MANBA: variants seen among roughly 807,000 people sequenced by gnomAD.
The protein encoded by MANBA is mannosidase beta.
In MANBA, 83 loss-of-function variants were observed where a neutral mutation model predicts 111.1. The ratio of observed to expected loss-of-function variants is 0.75; its 90% CI spans 0.63 to 0.90. MANBA has a LOEUF of 0.90. MANBA is among the 40% of genes least tolerant of loss of function. The pLI is 0.00. For synonymous variants in MANBA, 370 were observed against 378.7 expected, an observed-to-expected ratio of 0.98 and a Z score of 0.27; for missense variants, 1,036 against 1,069.0, an observed-to-expected ratio of 0.97 and a Z score of 0.43.
intron 5 of MANBA, among the ~76,000 whole-genome samples, chr4:102,712,755 T>C (rs1359966186): frequency 6.6e-6 from 1 of 152,120 alleles, no homozygotes; most frequent in African/African-American, 2.4e-5. Context: ...TCTCTAACTC[T>C]TAGGCTCAGG....
chr4:102,738,938 T>A (rs1173851494), intron 1 of MANBA, among the ~76,000 whole-genome samples: 1 of 152,032 alleles, frequency 6.6e-6, no homozygotes, highest in Non-Finnish European at 1.5e-5. Flanking sequence ...ATGAAAGACA[T>A]ACTTAGAGAA....
At chr4:102,746,851 A>T (rs1413069176) in intron 1 of MANBA, among the ~76,000 whole-genome samples, 1 of 152,034 alleles carries the variant, frequency 6.6e-6, no homozygotes, top group Non-Finnish European at 1.5e-5. Flanking sequence ...GGTCGCCTGT[A>T]GTCCCAGATA....
intron 2 of MANBA, among the ~76,000 whole-genome samples, chr4:102,725,810 C>T (rs965270079): frequency 6.6e-6 from 1 of 152,048 alleles, no homozygotes; most frequent in Admixed American, 6.6e-5. Context: ...CCACCCAGAA[C>T]AGACTGAACA....
intron 1 of MANBA, among the ~76,000 whole-genome samples, chr4:102,740,007 C>T (rs973529874): frequency 6.6e-6 from 1 of 152,188 alleles, no homozygotes; most frequent in African/African-American, 2.4e-5. Flanking sequence ...AAAACCGTTG[C>T]TGTTCACTGA....
chr4:102,686,312 G>A (rs577115329), intron 7 of MANBA, among the ~76,000 whole-genome samples: 2 of 152,246 alleles, frequency 1.3e-5, no homozygotes, highest in East Asian at 1.9e-4. Flanking sequence ...TGAATCCACT[G>A]TAGCTTTCCC....
chr4:102,646,256 T>C (rs1348074354), intron 13 of MANBA, among the ~76,000 whole-genome samples: 1 of 152,090 alleles, frequency 6.6e-6, no homozygotes, highest in East Asian at 1.9e-4. Context: ...ATGTTAATGG[T>C]CACTCTTTCA....
intron 13 of MANBA, among the ~76,000 whole-genome samples, chr4:102,643,795 C>T (rs1435260566): frequency 6.6e-6 from 1 of 152,078 alleles, no homozygotes; most frequent in African/African-American, 2.4e-5. Flanking sequence ...TGCTGGATCC[C>T]TATCAGACAT....
chr4:102,662,637 A>G (rs1731019949), intron 11 of MANBA: 2 of 160,404 alleles, frequency 1.2e-5, no homozygotes, highest in African/African-American at 4.8e-5. Flanking sequence ...GAAAGAGGAA[A>G]GGCACCTGAT....
chr4:102,716,872 G>A (rs183234024), intron 4 of MANBA, among the ~76,000 whole-genome samples: 1 of 152,222 alleles, frequency 6.6e-6, no homozygotes, highest in East Asian at 1.9e-4. Flanking sequence ...CCTTAGCTCT[G>A]TACTCACCTA....
At chr4:102,708,607 A>C (rs1399492885) in intron 5 of MANBA, among the ~76,000 whole-genome samples, 1 of 152,096 alleles carries the variant, frequency 6.6e-6, no homozygotes, top group Non-Finnish European at 1.5e-5. Context: ...GAAAAACAAG[A>C]ACAAACTCAA....
intron 1 of MANBA, among the ~76,000 whole-genome samples, chr4:102,741,772 A>G (rs1422527272): frequency 6.6e-6 from 1 of 152,198 alleles, no homozygotes; most frequent in Non-Finnish European, 1.5e-5. Flanking sequence ...GGAGACTTGC[A>G]GGGAAGGATG....
At chr4:102,713,849 T>C (rs1050731568) in intron 5 of MANBA, among the ~76,000 whole-genome samples, 2 of 150,206 alleles carry the variant, frequency 1.3e-5, no homozygotes, top group Non-Finnish European at 3.0e-5. Context: ...TGAGCCAAGA[T>C]TGTGCCACTG....
At position 102,650,680 on chromosome 4, in the gene MANBA, A is replaced by G; in HGVS notation, c.1726T>C (p.Ser576Pro). Reference sequence around the variant, plus strand: ...TGAAGTGAAAACTTGCTATTGAAAGACCAGTCCTCTGTAGACGAGACCTTT... The same window carrying G: ...TGAAGTGAAAACTTGCTATTGAAAGGCCAGTCCTCTGTAGACGAGACCTTT... ...LEKVSSTEDWSFNSKFSLHRQ... is the reference protein window; with the variant it reads ...LEKVSSTEDWPFNSKFSLHRQ... The change falls in exon 13 of 17, where the codon TCT becomes CCT. Residue 576 changes from serine (S) to proline (P), a missense_variant. Ser to Pro is a moderately conservative substitution (Grantham distance 74). Coordinates refer to ENST00000647097, the MANE Select transcript of MANBA (RefSeq NM_005908.4). 2 of 1,613,064 alleles carry G rather than the reference A, an allele frequency of 1.2e-6. No individual in the cohort carries two copies. The highest frequency in any genetic ancestry group is 8.5e-7 in the Non-Finnish European group (1 of 1,179,128).
chr4:102,667,385 A>G (rs1028941973), intron 10 of MANBA: 3 of 152,198 alleles, frequency 2.0e-5, no homozygotes, highest in Non-Finnish European at 4.4e-5. Flanking sequence ...ATATCAAAAA[A>G]TTGTCTCAAC....
At chr4:102,740,744 T>A (rs1298490483) in intron 1 of MANBA, among the ~76,000 whole-genome samples, 1 of 151,936 alleles carries the variant, frequency 6.6e-6, no homozygotes, top group African/African-American at 2.4e-5. Context: ...GCAAGACACA[T>A]GTAGAAGAAT....
At chr4:102,639,878 T>C in intron 13 of MANBA, 21 bp from the exon 14 acceptor site, 8 of 1,613,548 alleles carry the variant, frequency 5.0e-6, no homozygotes, top group East Asian at 2.2e-5. Context: ...AAAACATTCA[T>C]ACACAGGTGT....
At chr4:102,692,252 G>A (rs1732513355) in intron 5 of MANBA, among the ~76,000 whole-genome samples, 1 of 152,204 alleles carries the variant, frequency 6.6e-6, no homozygotes, top group Admixed American at 6.5e-5. Flanking sequence ...GCCAGGAACA[G>A]AGAGGAGGCA....
chr4:102,633,368 A>G, intron 16 of MANBA: 1 of 398,670 alleles, frequency 2.5e-6, no homozygotes. Flanking sequence ...TCCAAGACCA[A>G]GGCCGAAAGA....
intron 1 of MANBA, among the ~76,000 whole-genome samples, chr4:102,742,621 C>T (rs888291819): frequency 1.3e-5 from 2 of 152,208 alleles, no homozygotes; most frequent in African/African-American, 4.8e-5. Context: ...CACTGCCACA[C>T]TTCTTTAGCT....
Sources: gnomAD v4.1 joint callset for allele counts (sites outside exome capture counted in the v4.1 genomes callset) on GRCh38, gnomAD v4.1.1 for gene constraint, MANE v1.5 for transcripts, NCBI Gene and HGNC (gene_info 2026-07-23, HGNC 2026-07-21) for gene names.